The following MEF2A variants were observed in gnomAD, a reference collection of about 807,000 sequenced individuals.
MEF2A encodes myocyte enhancer factor 2A.
A neutral mutation model predicts 55.8 loss-of-function variants in MEF2A; 28 were observed. That is an observed-to-expected ratio of 0.50 (90% CI 0.37 to 0.69). The LOEUF is 0.69. Ranked by LOEUF, MEF2A falls within the 30% of genes least tolerant of loss-of-function variation. MEF2A has a pLI of 0.00. For synonymous variants in MEF2A, 239 were observed against 227.1 expected (o/e 1.05, Z -0.47); for missense variants, 528 against 626.2 (o/e 0.84, Z 1.67).
intron 2 of MEF2A, among the ~76,000 whole-genome samples, chr15:99,621,472 C>A (rs553145284): frequency 2.4e-3 from 366 of 152,106 alleles, no homozygotes; most frequent in Non-Finnish European, 3.2e-3. Flanking sequence ...AAATGTTGCC[C>A]AAATTGTTTA....
At chr15:99,684,493 T>A (rs2053843395) in intron 7 of MEF2A, among the ~76,000 whole-genome samples, 1 of 152,266 alleles carries the variant, frequency 6.6e-6, no homozygotes, top group Non-Finnish European at 1.5e-5. Flanking sequence ...GTATGTCTTT[T>A]GGCAATTTGT....
chr15:99,704,542 T>C (rs1356317415), intron 9 of MEF2A, among the ~76,000 whole-genome samples: 2 of 152,234 alleles, frequency 1.3e-5, no homozygotes, highest in South Asian at 2.1e-4. Context: ...ATGAATTATC[T>C]AGCACTATAC....
chr15:99,714,497 G>A lies in MEF2A; in HGVS notation c.*1726G>A, dbSNP rs906271736. On this transcript the variant is annotated 3_prime_UTR_variant, in exon 12 of 12. Coordinates refer to ENST00000557942, the MANE Select transcript of MEF2A (RefSeq NM_001319206.4). ...ACATTGCAGTGATGCTTTGGTATGCGGGGAGAAACACTCTTAGGGTGCTGG... is the reference window on the plus strand; with the variant it reads ...ACATTGCAGTGATGCTTTGGTATGCAGGGAGAAACACTCTTAGGGTGCTGG... The A allele has an allele frequency of 8.5e-5, 13 of 152,110 alleles. No individual in the cohort carries two copies. Among genetic ancestry groups the A allele is most frequent in the African/African-American group, 2.4e-4 (10 of 41,412 alleles). The allele number at this position is 152,110 out of a possible 1,614,324, so 9.4% of individuals were successfully genotyped here. A position where few individuals can be genotyped will look rare whatever the true frequency, so the allele number is the denominator to read the frequency against.
intron 10 of MEF2A, 57 bp downstream of exon 10, chr15:99,706,912 G>A (rs753588549): frequency 3.8e-5 from 59 of 1,538,408 alleles, no homozygotes; most frequent in Admixed American, 1.2e-4. Context: ...TGTGATCAAC[G>A]TGTGCTTCTG....
At position 99,566,033 on chromosome 15, in the gene MEF2A, G is replaced by C. The variant is rs1454518101; in HGVS notation, c.-296G>C. Reference sequence around the variant, plus strand: ...GTCCCGGGCTGAAAGAGGCGGCTCCGGGCGGCGCGAAGCGCTGGTGGCGGG... The same window carrying C: ...GTCCCGGGCTGAAAGAGGCGGCTCCCGGCGGCGCGAAGCGCTGGTGGCGGG... On this transcript the variant is annotated 5_prime_UTR_variant, in exon 1 of 12. Transcript: ENST00000557942. The C allele has an allele frequency of 9.2e-5, 14 of 152,434 alleles. No homozygotes were observed. Among genetic ancestry groups the C allele is most frequent in the Admixed American group, 7.8e-4 (12 of 15,288 alleles). The allele number at this position is 152,434 out of a possible 1,614,324, so 9.4% of individuals were successfully genotyped here. A position where few individuals can be genotyped will look rare whatever the true frequency, so the allele number is the denominator to read the frequency against.
At chr15:99,602,863 G>T (rs909370561) in intron 2 of MEF2A, among the ~76,000 whole-genome samples, 1 of 151,412 alleles carries the variant, frequency 6.6e-6, no homozygotes, top group Non-Finnish European at 1.5e-5. Flanking sequence ...ACAAAACTAT[G>T]AATTTGGTTT....
intron 3 of MEF2A, among the ~76,000 whole-genome samples, chr15:99,640,114 T>A (rs1278849816): frequency 6.6e-6 from 1 of 152,202 alleles, no homozygotes; most frequent in Non-Finnish European, 1.5e-5. Context: ...CGAATGGAGT[T>A]GGGTAAATAT....
intron 7 of MEF2A, among the ~76,000 whole-genome samples, chr15:99,676,267 A>G (rs548762460): frequency 6.6e-6 from 1 of 152,332 alleles, no homozygotes; most frequent in Non-Finnish European, 1.5e-5. Flanking sequence ...AATGTGGGAA[A>G]ATACATAAAG....
chr15:99,711,216 T>C (rs1300290491), intron 11 of MEF2A, among the ~76,000 whole-genome samples: 2 of 152,170 alleles, frequency 1.3e-5, no homozygotes, highest in South Asian at 2.1e-4. Context: ...GGTGAGTATC[T>C]GTAGACAAGA....
At chr15:99,602,411 C>A (rs1973399088) in intron 2 of MEF2A, among the ~76,000 whole-genome samples, 1 of 152,034 alleles carries the variant, frequency 6.6e-6, no homozygotes, top group Non-Finnish European at 1.5e-5. Flanking sequence ...CCTTAACAGT[C>A]CAATGTCCCT....
intron 1 of MEF2A, among the ~76,000 whole-genome samples, chr15:99,593,560 ACAAG>A (rs1567180729): frequency 6.6e-6 from 1 of 152,208 alleles, no homozygotes; most frequent in Admixed American, 6.5e-5. Context: ...AATTTTGATT[ACAAG>A]TGAAATTCAT....
rs1292281993 is a variant in MEF2A at position 99,715,477 on chromosome 15, A to AT, written c.*2709dup. ...ATGTATTCCATTTCAGGAACTGAAT[A>AT]TTTGACTGTTAACCTTTTTCCCATA... On this transcript the variant is annotated 3_prime_UTR_variant, in exon 12 of 12. Transcript: ENST00000557942. The AT allele has an allele frequency of 6.6e-6, 1 of 152,240 alleles. No individual in the cohort carries two copies. Among genetic ancestry groups the AT allele is most frequent in the Admixed American group, 6.5e-5 (1 of 15,288 alleles). The allele number at this position is 152,240 out of a possible 1,614,324, so 9.4% of individuals were successfully genotyped here.
intron 1 of MEF2A, among the ~76,000 whole-genome samples, chr15:99,573,668 G>GA (rs1162975608): frequency 6.6e-6 from 1 of 152,102 alleles, no homozygotes; most frequent in African/African-American, 2.4e-5. Context: ...GTTGAGGGGG[G>GA]AACCTTATGG....
intron 3 of MEF2A, among the ~76,000 whole-genome samples, chr15:99,636,000 ACTGGTTTACACTCTGCTGG>A (rs1332266490): frequency 1.3e-5 from 2 of 152,116 alleles, no homozygotes; most frequent in African/African-American, 4.8e-5. Flanking sequence ...AAGTAGTTCT[ACTGGTTTACACTCTGCTGG>A]CAGAGTGTAA....
At chr15:99,673,889 AAGTT>A (rs2051368896) in intron 5 of MEF2A, among the ~76,000 whole-genome samples, 1 of 151,954 alleles carries the variant, frequency 6.6e-6, no homozygotes, top group Non-Finnish European at 1.5e-5. Context: ...GCCCTTTAGA[AAGTT>A]AGTCAATTAA....
At chr15:99,703,005 G>A (rs547190930) in intron 8 of MEF2A, among the ~76,000 whole-genome samples, 1 of 152,288 alleles carries the variant, frequency 6.6e-6, no homozygotes, top group East Asian at 1.9e-4. Flanking sequence ...TACAAGTACA[G>A]AGTTGATATT....
At chr15:99,567,232 TAGAA>T (rs1042010705) in intron 1 of MEF2A, among the ~76,000 whole-genome samples, 2 of 152,212 alleles carry the variant, frequency 1.3e-5, no homozygotes, top group African/African-American at 4.8e-5. Context: ...AATGCCCTAT[TAGAA>T]AGGCCTGCTG....
intron 1 of MEF2A, among the ~76,000 whole-genome samples, chr15:99,571,607 A>G (rs1274183542): frequency 6.6e-6 from 1 of 152,184 alleles, no homozygotes; most frequent in Non-Finnish European, 1.5e-5. Context: ...ACTGATGACT[A>G]CTACTTTTAT....
In MEF2A at chr15:99,706,659, A is replaced by C. The variant is rs537717892; in HGVS notation, c.883-70A>C. On this transcript the variant is annotated intron_variant, in intron 9 of 11. Transcript: ENST00000557942. ...ATGAAACTGTGAAAAATGTCACTTA[A>C]ATTGAAAGTGATTTTTAAGTCAACA... 71 of 1,549,082 alleles carry C rather than the reference A, an allele frequency of 4.6e-5. 1 individual carries two copies. In the South Asian group the frequency reaches 7.6e-4, roughly 17 times the overall value.
Sources: allele counts gnomAD v4.1 joint callset (sites outside exome capture counted in the v4.1 genomes callset), GRCh38; gene constraint gnomAD v4.1.1; transcripts MANE v1.5; gene names NCBI Gene and HGNC (gene_info 2026-07-23, HGNC 2026-07-21).